CCR6: variants seen among roughly 807,000 people sequenced by gnomAD.
CCR6 encodes the protein C-C motif chemokine receptor 6.
A neutral mutation model predicts 3.0 loss-of-function variants in CCR6; 2 were observed. The ratio of observed to expected loss-of-function variants is 0.66; its 90% CI spans 0.27 to 2.07. The LOEUF is 2.07. CCR6 is among the 30% of genes most tolerant of loss of function. The probability of loss-of-function intolerance (pLI) is 0.14; values close to 1 mark genes in which losing one functional copy is unlikely to be tolerated. For synonymous variants in CCR6, 193 were observed against 184.3 expected (o/e 1.05, Z -0.38); for missense variants, 322 against 462.8 (o/e 0.70, Z 2.79).
chr6:167,128,336 G>A (rs1382772878), intron 1 of CCR6, among the ~76,000 whole-genome samples: 1 of 152,262 alleles, frequency 6.6e-6, no homozygotes, highest in Non-Finnish European at 1.5e-5. Flanking sequence ...GCTGTCCCCT[G>A]TGTCCGGTGC....
chr6:167,121,176 G>T (rs758291140), upstream of CCR6, among the ~76,000 whole-genome samples: 2 of 152,210 alleles, frequency 1.3e-5, no homozygotes, highest in African/African-American at 4.8e-5. Flanking sequence ...AACAGAAGGG[G>T]CCCCCACAGT....
chr6:167,115,049 CA>C (rs1235920690), intron 1 of CCR6: 5 of 152,208 alleles, frequency 3.3e-5, no homozygotes, highest in Admixed American at 1.3e-4. Context: ...GTAATAAAAT[CA>C]GTCATTTTCC....
intron 1 of CCR6, among the ~76,000 whole-genome samples, chr6:167,125,792 A>T (rs1477646288): frequency 6.6e-6 from 1 of 152,222 alleles, no homozygotes; most frequent in Non-Finnish European, 1.5e-5. Context: ...TCTATTGCAT[A>T]TTGTACCTAA....
chr6:167,133,063 AAT>A (rs1182912934), intron 1 of CCR6, among the ~76,000 whole-genome samples: 2 of 152,144 alleles, frequency 1.3e-5, no homozygotes, highest in Non-Finnish European at 2.9e-5. Flanking sequence ...TTTTCTATTC[AAT>A]ATATATATGT....
intron 1 of CCR6, among the ~76,000 whole-genome samples, chr6:167,133,125 AAT>A (rs1333828799): frequency 2.0e-5 from 3 of 152,214 alleles, no homozygotes; most frequent in African/African-American, 7.2e-5. Context: ...CATTTTGTAC[AAT>A]CAAGTACAAT....
At chr6:167,125,436 C>T (rs1335832985) in intron 1 of CCR6, among the ~76,000 whole-genome samples, 1 of 152,234 alleles carries the variant, frequency 6.6e-6, no homozygotes, top group Non-Finnish European at 1.5e-5. Context: ...ACCCACAGCT[C>T]TCACCGGCCT....
upstream of CCR6, among the ~76,000 whole-genome samples, chr6:167,118,089 C>T (rs561564732): frequency 2.4e-4 from 37 of 152,186 alleles, no homozygotes; most frequent in African/African-American, 8.4e-4. Flanking sequence ...GTTCCATCGG[C>T]GTCTCTGGGT....
At chr6:167,123,447 G>T (rs968846898) in intron 1 of CCR6, among the ~76,000 whole-genome samples, 1 of 152,136 alleles carries the variant, frequency 6.6e-6, no homozygotes, top group African/African-American at 2.4e-5. Context: ...TTTCATACTC[G>T]CTCCCTGCAC....
rs1415521096 is a variant in CCR6 at position 167,133,946 on chromosome 6, A to G, written c.-97-2092A>G. ...GATATATGTGTGTATATATATATAT[A>G]TATATATATATATATATATATATAG... On this transcript the variant is annotated intron_variant, in intron 1 of 2. Transcript: ENST00000341935. Among the ~76,000 whole-genome samples, 51 of 43,698 alleles carry G rather than the reference A, an allele frequency of 1.2e-3. 1 individual carries two copies. Among genetic ancestry groups the G allele is most frequent in the Middle Eastern group, 0.018 (1 of 56 alleles). 28.7% of individuals were successfully genotyped at this position (43,698 alleles called of 152,430 possible).
chr6:167,132,227 C>T lies in CCR6; in HGVS notation c.-97-3811C>T, dbSNP rs191117120. Among the ~76,000 whole-genome samples, 5 of 152,284 alleles carry T rather than the reference C, an allele frequency of 3.3e-5. No individual in the cohort carries two copies. In the East Asian group the frequency reaches 9.7e-4, roughly 29 times the overall value. On this transcript the variant is annotated intron_variant, in intron 1 of 2. Coordinates refer to ENST00000341935, the MANE Select transcript of CCR6 (RefSeq NM_031409.4). Reference sequence around the variant, plus strand: ...ACACTTCAACTCGGGTATCTGCTCACCAGTTCACAGACATTTGGGTCTTTT... The same window carrying T: ...ACACTTCAACTCGGGTATCTGCTCATCAGTTCACAGACATTTGGGTCTTTT...
Position 167,137,337 on chromosome 6 carries a change from G to A in CCR6, c.1107G>A (p.Ala369=), listed in dbSNP as rs748469406. The change falls in exon 3 of 3, where the codon GCG becomes GCA. Residue 369 remains alanine (A), a synonymous_variant. Coordinates refer to ENST00000341935, the MANE Select transcript of CCR6 (RefSeq NM_031409.4). This position sits in a 1 kb window ranked among gnomAD's most constrained non-coding sequence, Gnocchi z 4.6. ...GTGAGACCGCAGATAACGACAATGC[G>A]TCGTCCTTCACTATGTGATAGAAAG... is the stretch of plus-strand genomic sequence containing the variant. ...QTSETADNDN[A]SSFTM 5.6e-5 allele frequency: 90 copies of A among 1,612,488 alleles called. No homozygotes were observed. The highest frequency in any genetic ancestry group is 9.9e-5 in the South Asian group (9 of 90,880).
intron 1 of CCR6, among the ~76,000 whole-genome samples, chr6:167,127,740 A>T (rs1332929197): frequency 1.3e-5 from 2 of 152,166 alleles, no homozygotes; most frequent in Non-Finnish European, 2.9e-5. Context: ...GCCTCAAGTG[A>T]TCCACCCACC....
rs1166040882 is a variant in CCR6, at chr6:167,138,532, A to G, written c.*1177A>G. 1 of 152,376 alleles carries G rather than the reference A, an allele frequency of 6.6e-6. No homozygotes were observed. Among genetic ancestry groups the G allele is most frequent in the Non-Finnish European group, 1.5e-5 (1 of 68,042 alleles). 9.4% of individuals were successfully genotyped at this position (152,376 alleles called of 1,614,324 possible). On this transcript the variant is annotated 3_prime_UTR_variant, in exon 3 of 3. Transcript: ENST00000341935. ...CAGATTTTAACAGCTCTCTTCAATG[A>G]CATAGAAAGTTCATGGAACTCATGT...
chr6:167,136,845 G>C lies in CCR6; in HGVS notation c.615G>C (p.Ser205=). The C allele has an allele frequency of 6.2e-7, 1 of 1,614,092 alleles. No homozygotes were observed. Among genetic ancestry groups the C allele is most frequent in the South Asian group, 1.1e-5 (1 of 91,078 alleles). Residue 205 remains serine (S), a synonymous_variant, in exon 3 of 3, where the codon TCG becomes TCC. Transcript: ENST00000341935. The surrounding 1 kb of genome is among the most constrained non-coding windows in gnomAD (Gnocchi z 4.6). ...GTGAACCCAAGTACCAGACTGTCTC[G>C]GAGCCCATCAGGTGGAAGCTGCTGA... is the stretch of plus-strand genomic sequence containing the variant. The part of the protein sequence containing the change: ...DVCEPKYQTV[S]EPIRWKLLML...
At chr6:167,128,610 C>T (rs1446416334) in intron 1 of CCR6, among the ~76,000 whole-genome samples, 1 of 152,146 alleles carries the variant, frequency 6.6e-6, no homozygotes, top group South Asian at 2.1e-4. Context: ...CTTGCTCTGT[C>T]ACCCAGGCTG....
At chr6:167,117,776 T>G (rs1396379527), upstream of CCR6, among the ~76,000 whole-genome samples, 3 of 152,138 alleles carry the variant, frequency 2.0e-5, no homozygotes, top group African/African-American at 7.2e-5. Flanking sequence ...GTGGTCTCTA[T>G]TCCCTCAATG....
At chr6:167,135,495 T>C (rs994381382) in intron 1 of CCR6, among the ~76,000 whole-genome samples, 77 of 152,346 alleles carry the variant, frequency 5.1e-4, no homozygotes, top group African/African-American at 1.5e-3. Flanking sequence ...AACTTTAAAT[T>C]CTACTGGAGA....
intron 1 of CCR6, among the ~76,000 whole-genome samples, chr6:167,130,663 A>G (rs1230894037): frequency 6.6e-6 from 1 of 151,844 alleles, no homozygotes; most frequent in Non-Finnish European, 1.5e-5. Flanking sequence ...GAGAATCCTG[A>G]TTCTTAACCA....
rs777382226 is a variant in CCR6, at chr6:167,136,873, T to C, written c.643T>C (p.Leu215=). The change falls in exon 3 of 3, where the codon TTG becomes CTG. Residue 215 remains leucine, a synonymous_variant. Transcript: ENST00000341935. The surrounding 1 kb of genome is among the most constrained non-coding windows in gnomAD (Gnocchi z 4.6). ...SEPIRWKLLM[L]GLELLFGFFI... is the part of the protein sequence containing the mutation. ...GCCCATCAGGTGGAAGCTGCTGATG[T>C]TGGGGCTTGAGCTACTCTTTGGTTT... 12 of 1,614,066 alleles carry C rather than the reference T, an allele frequency of 7.4e-6. No homozygotes were observed. The highest frequency in any genetic ancestry group is 1.3e-5 in the African/African-American group (1 of 74,920).
Sources: gnomAD v4.1 joint callset for allele counts (sites outside exome capture counted in the v4.1 genomes callset) on GRCh38, gnomAD v4.1.1 for gene constraint, Gnocchi (gnomAD v3.1) non-coding constraint, MANE v1.5 for transcripts, NCBI Gene and HGNC (gene_info 2026-07-23, HGNC 2026-07-21) for gene names.